Variants in FAM120B observed in about 807,000 individuals in gnomAD.
FAM120B encodes family with sequence similarity 120 member B.
In FAM120B, 83 loss-of-function variants were observed where a neutral mutation model predicts 96.3. The observed-to-expected ratio is 0.86, with a 90% CI of 0.72 to 1.03. FAM120B has a LOEUF of 1.03. Ranked by LOEUF, FAM120B falls within the 50% of genes least tolerant of loss-of-function variation. The pLI is 0.00. For missense variants in FAM120B, 1,027 were observed against 1,121.2 expected (o/e 0.92, Z 1.20); for synonymous variants, 407 against 402.7 (o/e 1.01, Z -0.13).
chr6:170,362,279 C>G (rs1788506869), intron 6 of FAM120B, among the ~76,000 whole-genome samples: 1 of 152,170 alleles, frequency 6.6e-6, no homozygotes, highest in African/African-American at 2.4e-5. Context: ...AGGAATGTTT[C>G]TGTGGACATT....
At chr6:170,358,144 A>C in intron 5 of FAM120B, 82 bp from the exon 6 acceptor site, 2 of 1,221,988 alleles carry the variant, frequency 1.6e-6, no homozygotes, top group Admixed American at 2.0e-5. Context: ...ACACACACTC[A>C]TAGTTAATAA....
intron 1 of FAM120B, among the ~76,000 whole-genome samples, chr6:170,312,344 A>G (rs1429122216): frequency 2.0e-5 from 3 of 152,326 alleles, no homozygotes; most frequent in South Asian, 2.1e-4. Flanking sequence ...CCTAAAATTT[A>G]TGTCTTTGTT....
intron 1 of FAM120B, among the ~76,000 whole-genome samples, chr6:170,300,680 T>C (rs766092981): frequency 2.8e-4 from 42 of 152,316 alleles, no homozygotes; most frequent in Non-Finnish European, 5.4e-4. Context: ...GGCACAGGCA[T>C]TGGGCAAATA....
At chr6:170,304,771 C>G (rs939146384), upstream of FAM120B, among the ~76,000 whole-genome samples, 1 of 152,004 alleles carries the variant, frequency 6.6e-6, no homozygotes, top group Non-Finnish European at 1.5e-5. Flanking sequence ...TGCTTGGAGT[C>G]CTTCCTCTTC....
Position 170,406,658 on chromosome 6 carries a change from A to AT in FAM120B, c.*1914dup, listed in dbSNP as rs1410728364. On this transcript the variant is annotated 3_prime_UTR_variant, in exon 11 of 11. Transcript: ENST00000476287. ...CATGTTTTCCTAGCTTTGGAAATCG[A>AT]TTTTTTTCATTCCTCTTATGAGGAT... 2 of 152,056 alleles carry AT rather than the reference A, an allele frequency of 1.3e-5. No individual in the cohort carries two copies. The highest frequency in any genetic ancestry group is 2.9e-5 in the Non-Finnish European group (2 of 68,012). 9.4% of individuals were successfully genotyped at this position (152,056 alleles called of 1,614,324 possible).
Position 170,358,228 on chromosome 6 carries a change from G to T in FAM120B, c.2193G>T (p.Val731=). The stretch of plus-strand genomic sequence containing the variant: ...TGGCCTTTCTCTGTCCTTTTCAGGT[G>T]GACACGCTTTGCCTGGAGGATTTGC... ...CCLLIYLFVQ[V]DTLCLEDLHA... The change falls in exon 6 of 11, where the codon GTG becomes GTT. Residue 731 remains valine, a splice_region_variant and synonymous_variant. Transcript: ENST00000476287. The T allele has an allele frequency of 6.3e-7, 1 of 1,599,260 alleles. No individual in the cohort carries two copies. The highest frequency in any genetic ancestry group is 8.6e-7 in the Non-Finnish European group (1 of 1,169,568).
At chr6:170,385,717 T>G (rs895484799) in intron 6 of FAM120B, among the ~76,000 whole-genome samples, 1 of 152,188 alleles carries the variant, frequency 6.6e-6, no homozygotes, top group African/African-American at 2.4e-5. Flanking sequence ...TACCAAAACT[T>G]GGAAGCAGCC....
chr6:170,349,289 A>G (rs1787421759), intron 5 of FAM120B, among the ~76,000 whole-genome samples: 1 of 152,160 alleles, frequency 6.6e-6, no homozygotes, highest in Non-Finnish European at 1.5e-5. Flanking sequence ...TGACCTCCCT[A>G]TATGGTGGGT....
intron 1 of FAM120B, among the ~76,000 whole-genome samples, chr6:170,297,421 G>A (rs1466809909): frequency 6.6e-6 from 1 of 152,230 alleles, no homozygotes; most frequent in Non-Finnish European, 1.5e-5. Flanking sequence ...ATTCAGACGT[G>A]GCCACAATGA....
chr6:170,390,789 G>C (rs934633348), intron 7 of FAM120B, among the ~76,000 whole-genome samples: 4 of 152,120 alleles, frequency 2.6e-5, no homozygotes, highest in Non-Finnish European at 5.9e-5. Flanking sequence ...TTCTTTTTCT[G>C]GGGGATTTAG....
In FAM120B at chr6:170,295,550, G is replaced by A; in HGVS notation, c.48+97G>A. 1 of 589,406 alleles carries A rather than the reference G, an allele frequency of 1.7e-6. No homozygotes were observed. Among genetic ancestry groups the A allele is most frequent in the Non-Finnish European group, 3.0e-6 (1 of 337,026 alleles). The allele number at this position is 589,406 out of a possible 1,614,324, so 36.5% of individuals were successfully genotyped here. A position where few individuals can be genotyped will look rare whatever the true frequency, so the allele number is the denominator to read the frequency against. ...CGACCCCCGGCGCGGGCAGCTCTGC[G>A]CGAAGGTGGGCGACGGTGGGGGCAC... is the stretch of plus-strand genomic sequence containing the variant. On this transcript the variant is annotated intron_variant, in intron 1 of 10. Coordinates refer to the FAM120B transcript ENST00000537664. The surrounding 1 kb of genome is among the most constrained non-coding windows in gnomAD (Gnocchi z 7.8).
At chr6:170,366,426 G>A (rs2047833997) in intron 6 of FAM120B, among the ~76,000 whole-genome samples, 1 of 152,222 alleles carries the variant, frequency 6.6e-6, no homozygotes, top group Non-Finnish European at 1.5e-5. Context: ...TGGCAAGTGG[G>A]GAGGGGCAGG....
intron 1 of FAM120B, among the ~76,000 whole-genome samples, chr6:170,301,618 T>C (rs937636045): frequency 1.3e-4 from 20 of 152,252 alleles, no homozygotes; most frequent in African/African-American, 4.6e-4. Flanking sequence ...CTGCTTCCTC[T>C]TGAATGCTTT....
intron 6 of FAM120B, among the ~76,000 whole-genome samples, chr6:170,379,261 A>G (rs1412190622): frequency 1.3e-5 from 2 of 152,256 alleles, no homozygotes; most frequent in African/African-American, 4.8e-5. Context: ...TAAAACAGTA[A>G]TAATACAGCA....
At position 170,383,986 on chromosome 6, in the gene FAM120B, A is replaced by G. The variant is rs1790057193; in HGVS notation, c.2284-4301A>G. Reference sequence around the variant, plus strand: ...GCTTGGTGAGTGGCTGACGCTTGGAACCACCTGAATGGATCTCAAGGGAAT... The same window carrying G: ...GCTTGGTGAGTGGCTGACGCTTGGAGCCACCTGAATGGATCTCAAGGGAAT... On this transcript the variant is annotated intron_variant, in intron 6 of 10. Coordinates refer to ENST00000476287, the MANE Select transcript of FAM120B (RefSeq NM_032448.3). 2.0e-5 allele frequency among the ~76,000 whole-genome samples: 3 copies of G among 152,148 alleles called. No individual in the cohort carries two copies. In the South Asian group the frequency reaches 6.2e-4, roughly 32 times the overall value.
In FAM120B at chr6:170,368,040, A is replaced by T. The variant is rs1257914051; in HGVS notation, c.2283+9722A>T. Among the ~76,000 whole-genome samples, 4 of 152,288 alleles carry T rather than the reference A, an allele frequency of 2.6e-5. No individual in the cohort carries two copies. The East Asian group carries it at 7.7e-4, about 29-fold the overall frequency. On this transcript the variant is annotated intron_variant, in intron 6 of 10. Coordinates refer to ENST00000476287, the MANE Select transcript of FAM120B (RefSeq NM_032448.3). ...TTTCCAGTTGACATAATAATTGTGCATATTTATGGGGTACAGTGAAATGTT... is the reference window on the plus strand; with the variant it reads ...TTTCCAGTTGACATAATAATTGTGCTTATTTATGGGGTACAGTGAAATGTT...
At chr6:170,361,952 C>T (rs1788488780) in intron 6 of FAM120B, among the ~76,000 whole-genome samples, 1 of 152,058 alleles carries the variant, frequency 6.6e-6, no homozygotes, top group Admixed American at 6.5e-5. Flanking sequence ...CACCACCACA[C>T]CCGGCTAATT....
intron 1 of FAM120B, among the ~76,000 whole-genome samples, chr6:170,300,883 T>C (rs1438352099): frequency 1.3e-5 from 2 of 152,128 alleles, no homozygotes; most frequent in African/African-American, 2.4e-5. Context: ...CTCTGTGGCA[T>C]TGCAGGGTAA....
intron 1 of FAM120B, among the ~76,000 whole-genome samples, chr6:170,301,439 T>C (rs565272731): frequency 3.3e-5 from 5 of 152,388 alleles, no homozygotes; most frequent in Non-Finnish European, 5.9e-5. Context: ...GGGGCTGCCA[T>C]GAAGGTCTCT....
Sources: allele counts gnomAD v4.1 joint callset (sites outside exome capture counted in the v4.1 genomes callset), GRCh38; gene constraint gnomAD v4.1.1; non-coding constraint Gnocchi (gnomAD v3.1); transcripts MANE v1.5; gene names NCBI Gene and HGNC (gene_info 2026-07-23, HGNC 2026-07-21).